ADGRE2: variants seen among roughly 807,000 people sequenced by gnomAD.
ADGRE2 encodes adhesion G protein-coupled receptor E2.
In ADGRE2, 83 loss-of-function variants were observed where a neutral mutation model predicts 100.8. The observed-to-expected ratio is 0.82, with a 90% CI of 0.69 to 0.99. The LOEUF (loss-of-function observed/expected upper bound fraction) is 0.99. ADGRE2 is among the 50% of genes least tolerant of loss of function. ADGRE2 has a pLI of 0.00. For synonymous variants in ADGRE2, 355 were observed against 413.0 expected (o/e 0.86, Z 1.70); for missense variants, 814 against 1,035.7 (o/e 0.79, Z 2.94).
intron 6 of ADGRE2, 132 bp downstream of exon 6, chr19:14,766,846 G>A: frequency 9.3e-7 from 1 of 1,070,164 alleles, no homozygotes; most frequent in South Asian, 1.6e-5. Flanking sequence ...TCCTTAGGCA[G>A]GGGCTTAGCA....
intron 6 of ADGRE2, 85 bp downstream of exon 6, chr19:14,766,893 C>T: frequency 1.3e-6 from 2 of 1,499,364 alleles, no homozygotes; most frequent in East Asian, 2.3e-5. Context: ...GATCTTCTCC[C>T]TCCTCCTCGG....
At chr19:14,766,951 C>A (rs769357423) in intron 6 of ADGRE2, 27 bp downstream of exon 6, 51 of 1,551,864 alleles carry the variant, frequency 3.3e-5, no homozygotes, top group Non-Finnish European at 4.3e-5. Flanking sequence ...CCCGTCCAGC[C>A]TCACAGCGTC....
chr19:14,743,320 G>T, intron 20 of ADGRE2, 100 bp downstream of exon 20: 1 of 892,418 alleles, frequency 1.1e-6, no homozygotes, highest in South Asian at 1.4e-5. Context: ...AGCCTTTCTA[G>T]GGCATTGCCT....
intron 18 of ADGRE2, 131 bp downstream of exon 18, chr19:14,746,101 T>C (rs543028395): frequency 1.1e-5 from 7 of 642,714 alleles, no homozygotes; most frequent in Non-Finnish European, 2.0e-5. Flanking sequence ...CATAGAAGGA[T>C]GGCTGCGTCT....
the ADGRE2 span, among the ~76,000 whole-genome samples, chr19:14,724,649 C>G: frequency 3.3e-5 from 5 of 152,164 alleles, no homozygotes; most frequent in African/African-American, 1.2e-4. Context: ...GCCTGTAATC[C>G]CAGCTACTCT....
At chr19:14,742,005 C>T (rs2042946949) in intron 20 of ADGRE2, 1 of 398,436 alleles carries the variant, frequency 2.5e-6, no homozygotes, top group Non-Finnish European at 4.4e-6. Context: ...CAAGTGATCC[C>T]CAAGTTGTCC....
rs775067711 is a variant in ADGRE2 at position 14,764,415 on chromosome 19, G to A, written c.1084+18C>T. The A allele has an allele frequency of 6.8e-6, 11 of 1,611,456 alleles. No homozygotes were observed. The highest frequency in any genetic ancestry group is 9.3e-6 in the Non-Finnish European group (11 of 1,179,556). ...AAAACATGCAGAGCTGGAGTCTGGGGCAGACCCAGGGACCTACCTGTGCCT... is the reference window on the plus strand; with the variant it reads ...AAAACATGCAGAGCTGGAGTCTGGGACAGACCCAGGGACCTACCTGTGCCT... On this transcript the variant is annotated intron_variant, in intron 11 of 20. Transcript: ENST00000315576.
chr19:14,771,166 C>T (rs563948777), intron 5 of ADGRE2, among the ~76,000 whole-genome samples: 3 of 152,290 alleles, frequency 2.0e-5, no homozygotes, highest in Admixed American at 2.0e-4. Context: ...GGAGGCTCTA[C>T]TGACTGCAGG....
At chr19:14,737,732 C>T (rs746906288) in intron 20 of ADGRE2, among the ~76,000 whole-genome samples, 39 of 151,940 alleles carry the variant, frequency 2.6e-4, no homozygotes, top group Non-Finnish European at 4.7e-4. Context: ...GAGGCCGAGG[C>T]GGGCAGATCA....
At position 14,746,258 on chromosome 19, in the gene ADGRE2, A is replaced by G; in HGVS notation, c.2157T>C (p.Ser719=). The change falls in exon 18 of 21, where the codon AGT becomes AGC. Residue 719 remains serine, a synonymous_variant. Transcript: ENST00000315576. ...TTGTGTTCCGGAGGGTGGACACTTCACTATTGAGGGAGGAGAGTCTGTTTT... is the reference window on the plus strand; with the variant it reads ...TTGTGTTCCGGAGGGTGGACACTTCGCTATTGAGGGAGGAGAGTCTGTTTT... The part of the protein sequence containing the change: ...ILKNRLSSLN[S]EVSTLRNTRM... The G allele has an allele frequency of 1.2e-6, 2 of 1,607,714 alleles. No individual in the cohort carries two copies. Among genetic ancestry groups the G allele is most frequent in the Non-Finnish European group, 1.7e-6 (2 of 1,174,446 alleles).
At chr19:14,766,920 G>T (rs941123848) in intron 6 of ADGRE2, 58 bp downstream of exon 6, 28 of 1,579,344 alleles carry the variant, frequency 1.8e-5, no homozygotes, top group Non-Finnish European at 2.2e-5. Context: ...TGGAGGACCT[G>T]ACTCAGCTCC....
chr19:14,738,969 C>CTTTTTTTTTT (rs68029679), intron 20 of ADGRE2, among the ~76,000 whole-genome samples: 7 of 104,906 alleles, frequency 6.7e-5, no homozygotes, highest in South Asian at 2.8e-4. Flanking sequence ...CTTTTCTTTT[C>CTTTTTTTTTT]TTTTTTTTTT....
At chr19:14,750,623 T>C (rs1233965325) in intron 16 of ADGRE2, among the ~76,000 whole-genome samples, 3 of 152,138 alleles carry the variant, frequency 2.0e-5, no homozygotes, top group African/African-American at 4.8e-5. Flanking sequence ...AGTAAGCATC[T>C]CATAAATCTT....
At chr19:14,755,289 A>C (rs8105313) in intron 13 of ADGRE2, among the ~76,000 whole-genome samples, 162 bp from the exon 14 acceptor site, 86,881 of 146,876 alleles carry the variant, frequency 0.59, 26,429 homozygotes, top group African/African-American at 0.73. Context: ...AAAAAAAAAA[A>C]AAAAAATACA....
downstream of ADGRE2, among the ~76,000 whole-genome samples, chr19:14,728,145 G>A (rs138997960): frequency 0.013 from 1,917 of 152,290 alleles, 20 homozygotes; most frequent in Non-Finnish European, 0.018. Context: ...CCTGGGAAGC[G>A]GAGCTTGCAG....
intron 11 of ADGRE2, among the ~76,000 whole-genome samples, chr19:14,763,203 C>T (rs1037667813): frequency 1.1e-4 from 16 of 151,842 alleles, no homozygotes; most frequent in African/African-American, 2.9e-4. Flanking sequence ...ATTAGCTGGG[C>T]GTGGTGGCGG....
the ADGRE2 span, among the ~76,000 whole-genome samples, chr19:14,727,015 GAA>G: frequency 7.3e-6 from 1 of 137,330 alleles, no homozygotes; most frequent in Non-Finnish European, 1.6e-5. Flanking sequence ...AATTTATAAA[GAA>G]AAGAGGCTTT....
rs73519935 is a variant in ADGRE2 at position 14,772,624 on chromosome 19, A to C, written c.200-127T>G. ...TCTTTTGGAAAGGATCTCAAGTTGC[A>C]CTGCACAGGCTATGCTGCAGCTGGA... On this transcript the variant is annotated intron_variant, in intron 4 of 20. Transcript: ENST00000315576. 4,323 of 1,129,780 alleles carry C rather than the reference A, an allele frequency of 3.8e-3. 123 individuals carry two copies. The African/African-American group carries it at 0.06, about 16-fold the overall frequency. The allele number at this position is 1,129,780 out of a possible 1,614,324, so 70.0% of individuals were successfully genotyped here. A position where few individuals can be genotyped will look rare whatever the true frequency, so the allele number is the denominator to read the frequency against.
intron 20 of ADGRE2, among the ~76,000 whole-genome samples, chr19:14,738,959 CTTTTCTTTTCT>C (rs2042840492): frequency 1.5e-5 from 2 of 132,970 alleles, no homozygotes; most frequent in African/African-American, 6.2e-5. Context: ...ATTTTCTTTT[CTTTTCTTTTCT>C]TTTTTTTTTT....
Sources: allele counts gnomAD v4.1 joint callset (sites outside exome capture counted in the v4.1 genomes callset), GRCh38; gene constraint gnomAD v4.1.1; transcripts MANE v1.5; gene names NCBI Gene and HGNC (gene_info 2026-07-23, HGNC 2026-07-21).